Variants in IPO7 observed in about 807,000 individuals in gnomAD.
IPO7 encodes importin 7.
Under a neutral mutation model 136.4 loss-of-function variants are expected in IPO7, and 13 were observed. That is an observed-to-expected ratio of 0.10 (90% CI 0.06 to 0.15). The LOEUF (loss-of-function observed/expected upper bound fraction) is 0.15. Among genes scored for constraint, IPO7 ranks in the 10% least tolerant of loss-of-function variants. The probability of loss-of-function intolerance (pLI) is 1.00; values close to 1 mark genes in which losing one functional copy is unlikely to be tolerated. For synonymous variants in IPO7, 403 were observed against 404.4 expected (o/e 1.00, Z 0.04); for missense variants, 857 against 1,240.6 (o/e 0.69, Z 4.65).
At chr11:9,443,875 G>A (rs1855492314) in intron 24 of IPO7, among the ~76,000 whole-genome samples, 1 of 152,042 alleles carries the variant, frequency 6.6e-6, no homozygotes, top group Non-Finnish European at 1.5e-5. Context: ...ACTCTAGCCT[G>A]GGTGCCAGAG....
Position 9,422,794 on chromosome 11 carries a change from C to CA in IPO7, c.907-204dup, listed in dbSNP as rs1002279478. On this transcript the variant is annotated intron_variant, in intron 8 of 24. Transcript: ENST00000379719. The stretch of plus-strand genomic sequence containing the variant: ...GAGACACTGTCTCTAACAACAACAA[C>CA]AAAAAAAACCCCAGAAAAACGAAGA... Among the ~76,000 whole-genome samples the CA allele has an allele frequency of 2.3e-4, 35 of 151,736 alleles. No homozygotes were observed. In the East Asian group the frequency reaches 2.9e-3, roughly 13 times the overall value.
chr11:9,425,065 A>T, intron 11 of IPO7, 75 bp downstream of exon 11: 2 of 1,269,934 alleles, frequency 1.6e-6, no homozygotes, highest in South Asian at 2.5e-5. Context: ...TTTAAATGTT[A>T]GTCATGTGAG....
In IPO7 at chr11:9,418,713, C is replaced by A. The variant is rs927971291; in HGVS notation, c.726+1565C>A. Among the ~76,000 whole-genome samples, 4 of 152,158 alleles carry A rather than the reference C, an allele frequency of 2.6e-5. No individual in the cohort carries two copies. In the East Asian group the frequency reaches 7.7e-4, roughly 29 times the overall value. ...ACCTTTTTGTTGTACAATTTATAATCCGTGCACCGATTATAAATAAACAGT... is the reference window on the plus strand; with the variant it reads ...ACCTTTTTGTTGTACAATTTATAATACGTGCACCGATTATAAATAAACAGT... On this transcript the variant is annotated intron_variant, in intron 6 of 24. Coordinates refer to ENST00000379719, the MANE Select transcript of IPO7 (RefSeq NM_006391.3).
At chr11:9,418,300 A>C (rs1590439743) in intron 6 of IPO7, among the ~76,000 whole-genome samples, 1 of 147,544 alleles carries the variant, frequency 6.8e-6, no homozygotes, top group Admixed American at 6.8e-5. Context: ...TAAACTCCTG[A>C]CCTTGTGATC....
chr11:9,410,672 T>A (rs540227596), intron 4 of IPO7, among the ~76,000 whole-genome samples: 81 of 152,300 alleles, frequency 5.3e-4, no homozygotes, highest in Middle Eastern at 6.8e-3. Flanking sequence ...TTATTTTAGA[T>A]CTTGTTTTAG....
chr11:9,418,497 G>A (rs899047640), intron 6 of IPO7, among the ~76,000 whole-genome samples: 4 of 151,968 alleles, frequency 2.6e-5, no homozygotes, highest in African/African-American at 4.8e-5. Context: ...ATTGTTAATC[G>A]CATAAGTGAG....
intron 1 of IPO7, among the ~76,000 whole-genome samples, chr11:9,386,786 A>G (rs1259855828): frequency 2.0e-5 from 3 of 152,208 alleles, no homozygotes; most frequent in Non-Finnish European, 4.4e-5. Context: ...TTACTTAACC[A>G]TTAAACTACT....
rs1486583616 is a variant in IPO7 at position 9,397,347 on chromosome 11, T to A, written c.85-5943T>A. On this transcript the variant is annotated intron_variant, in intron 1 of 24. Coordinates refer to ENST00000379719, the MANE Select transcript of IPO7 (RefSeq NM_006391.3). ...TAAAAATAATTTAAAAAAAAATATA[T>A]ATATATATATATATATATTAGTCGG... Among the ~76,000 whole-genome samples, 269 of 13,402 alleles carry A rather than the reference T, an allele frequency of 0.02. 44 individuals carry two copies. In the East Asian group the frequency reaches 0.23, roughly 11 times the overall value. 8.8% of individuals were successfully genotyped at this position (13,402 alleles called of 152,430 possible). A position where few individuals can be genotyped will look rare whatever the true frequency, so the allele number is the denominator to read the frequency against.
chr11:9,391,821 A>G (rs992464325), intron 1 of IPO7, among the ~76,000 whole-genome samples: 1 of 152,182 alleles, frequency 6.6e-6, no homozygotes, highest in Non-Finnish European at 1.5e-5. Context: ...GCTGGAGTGC[A>G]GTAGTATGAA....
At chr11:9,442,742 G>A (rs546570023) in intron 24 of IPO7, among the ~76,000 whole-genome samples, 7 of 151,832 alleles carry the variant, frequency 4.6e-5, no homozygotes, top group African/African-American at 1.7e-4. Context: ...GTATAATTGG[G>A]CCAGGTGTGG....
intron 23 of IPO7, among the ~76,000 whole-genome samples, chr11:9,441,855 G>A (rs542388329): frequency 3.9e-4 from 60 of 152,282 alleles, no homozygotes; most frequent in African/African-American, 1.3e-3. Flanking sequence ...GAGATGGATC[G>A]TAAGAATGAT....
intron 12 of IPO7, among the ~76,000 whole-genome samples, chr11:9,427,691 C>G (rs1855232492): frequency 6.6e-6 from 1 of 152,188 alleles, no homozygotes; most frequent in South Asian, 2.1e-4. Context: ...TCAAGTTTAT[C>G]TATTCTTACC....
intron 12 of IPO7, among the ~76,000 whole-genome samples, chr11:9,426,992 C>A (rs1321314315): frequency 6.6e-6 from 1 of 151,872 alleles, no homozygotes; most frequent in East Asian, 1.9e-4. Flanking sequence ...GATTCTCATG[C>A]CTCAGGTGCC....
chr11:9,436,693 T>C (rs1299657031), intron 20 of IPO7, among the ~76,000 whole-genome samples: 8 of 149,032 alleles, frequency 5.4e-5, no homozygotes, highest in Non-Finnish European at 1.0e-4. Context: ...TTGTTTTTTG[T>C]TTTTTTTGAG....
intron 20 of IPO7, among the ~76,000 whole-genome samples, chr11:9,436,917 G>A (rs1361586307): frequency 1.8e-5 from 2 of 108,906 alleles, no homozygotes; most frequent in Non-Finnish European, 3.4e-5. Context: ...ACGCTGTCTC[G>A]CCCTGTCGCC....
chr11:9,415,422 T>C (rs976495415), intron 5 of IPO7, among the ~76,000 whole-genome samples: 1 of 152,200 alleles, frequency 6.6e-6, no homozygotes, highest in Non-Finnish European at 1.5e-5. Flanking sequence ...ATTGTCTCAG[T>C]ACAAAACGTA....
At chr11:9,386,496 A>G (rs1490037145) in intron 1 of IPO7, among the ~76,000 whole-genome samples, 4 of 152,210 alleles carry the variant, frequency 2.6e-5, no homozygotes, top group African/African-American at 7.2e-5. Flanking sequence ...AAGTTTAGTC[A>G]TGGTCATTTC....
chr11:9,443,646 T>TA (rs34932104), intron 24 of IPO7, among the ~76,000 whole-genome samples: 52,528 of 150,760 alleles, frequency 0.35, 9,840 homozygotes, highest in Non-Finnish European at 0.43. Context: ...CTCATGCCTG[T>TA]AATCCCAGCA....
chr11:9,415,429 C>T (rs567514206), intron 5 of IPO7, among the ~76,000 whole-genome samples: 19 of 152,164 alleles, frequency 1.2e-4, no homozygotes, highest in Admixed American at 8.5e-4. Context: ...CAGTACAAAA[C>T]GTATTCCTAA....
Sources: allele counts gnomAD v4.1 joint callset (sites outside exome capture counted in the v4.1 genomes callset), GRCh38; gene constraint gnomAD v4.1.1; transcripts MANE v1.5; gene names NCBI Gene and HGNC (gene_info 2026-07-23, HGNC 2026-07-21).